The following TBC1D32 variants were observed in gnomAD, a reference collection of about 807,000 sequenced individuals.
TBC1D32 encodes the protein TBC1 domain family member 32, also known as protein broad-minded.
A neutral mutation model predicts 170.3 loss-of-function variants in TBC1D32; 151 were observed. That is an observed-to-expected ratio of 0.89 (90% confidence interval 0.78 to 1.01). The LOEUF is 1.01. Among genes scored for constraint, TBC1D32 ranks in the 50% least tolerant of loss-of-function variants. The pLI is 0.00. For missense variants in TBC1D32, 1,464 were observed against 1,457.1 expected (o/e 1.00, Z -0.08); for synonymous variants, 498 against 488.0 (o/e 1.02, Z -0.27).
At chr6:121,271,289 AG>A (rs1801374996) in intron 15 of TBC1D32, among the ~76,000 whole-genome samples, 1 of 152,172 alleles carries the variant, frequency 6.6e-6, no homozygotes, top group African/African-American at 2.4e-5. Context: ...AAAGAAATAA[AG>A]GGTATTCAAT....
At chr6:121,185,863 T>C (rs1180864155) in intron 22 of TBC1D32, among the ~76,000 whole-genome samples, 1 of 152,056 alleles carries the variant, frequency 6.6e-6, no homozygotes, top group Non-Finnish European at 1.5e-5. Flanking sequence ...CAGAAGCAGA[T>C]GATCATAGAT....
chr6:121,091,792 T>TTA (rs147352645), intron 30 of TBC1D32, among the ~76,000 whole-genome samples: 4,576 of 152,198 alleles, frequency 0.03, 225 homozygotes, highest in African/African-American at 0.1. Flanking sequence ...CCCCAGAACC[T>TTA]CATAATACAA....
In TBC1D32 at chr6:121,135,360, G is replaced by A. The variant is rs560648371; in HGVS notation, c.2774-3608C>T. Reference sequence around the variant, plus strand: ...TAAAAAAAGTTTTCCTTCTGGCCACGATGGAGGAACTAGGAATAGACTTGC... The same window carrying A: ...TAAAAAAAGTTTTCCTTCTGGCCACAATGGAGGAACTAGGAATAGACTTGC... On this transcript the variant is annotated intron_variant, in intron 24 of 31. Transcript: ENST00000398212. Among the ~76,000 whole-genome samples, 146 of 152,198 alleles carry A rather than the reference G, an allele frequency of 9.6e-4. 4 individuals are homozygous for A. In the South Asian group the frequency reaches 0.027, roughly 28 times the overall value.
At chr6:121,245,996 C>T (rs1181015366) in intron 17 of TBC1D32, among the ~76,000 whole-genome samples, 1 of 152,176 alleles carries the variant, frequency 6.6e-6, no homozygotes, top group Non-Finnish European at 1.5e-5. Flanking sequence ...TGGCTGGGAC[C>T]TCTGACCACT....
At chr6:121,203,483 A>G (rs1437726366) in intron 22 of TBC1D32, among the ~76,000 whole-genome samples, 1 of 151,488 alleles carries the variant, frequency 6.6e-6, no homozygotes, top group Non-Finnish European at 1.5e-5. Flanking sequence ...ATTATTTCAT[A>G]GTAAAACACA....
At chr6:121,256,859 A>G (rs1642633475) in intron 15 of TBC1D32, among the ~76,000 whole-genome samples, 1 of 151,964 alleles carries the variant, frequency 6.6e-6, no homozygotes, top group African/African-American at 2.4e-5. Flanking sequence ...TTTAGTAGAG[A>G]TGGGGTTTCA....
chr6:121,184,032 C>T (rs1348833857), intron 22 of TBC1D32, among the ~76,000 whole-genome samples: 1 of 152,008 alleles, frequency 6.6e-6, no homozygotes, highest in Non-Finnish European at 1.5e-5. Flanking sequence ...TTACATGTAA[C>T]AAAAGACATC....
At chr6:121,255,068 G>T (rs1798783260) in intron 17 of TBC1D32, among the ~76,000 whole-genome samples, 1 of 151,842 alleles carries the variant, frequency 6.6e-6, no homozygotes, top group African/African-American at 2.4e-5. Context: ...AAATTTTCTG[G>T]AAACACGATA....
intron 26 of TBC1D32, among the ~76,000 whole-genome samples, chr6:121,125,149 C>A (rs1780690083): frequency 6.6e-6 from 1 of 152,150 alleles, no homozygotes; most frequent in South Asian, 2.1e-4. Context: ...TGCAGTCTAG[C>A]TTTATTTGTG....
chr6:121,184,866 A>T (rs997246023), intron 22 of TBC1D32, among the ~76,000 whole-genome samples: 1 of 152,076 alleles, frequency 6.6e-6, no homozygotes, highest in African/African-American at 2.4e-5. Context: ...CATTCAAGCA[A>T]GCACTAGGGC....
rs1256915114 is a variant in TBC1D32 at position 121,132,808 on chromosome 6, G to A, written c.2774-1056C>T. Among the ~76,000 whole-genome samples, 7 of 151,848 alleles carry A rather than the reference G, an allele frequency of 4.6e-5. No individual in the cohort carries two copies. In the East Asian group the frequency reaches 9.6e-4, roughly 21 times the overall value. On this transcript the variant is annotated intron_variant, in intron 24 of 31. Coordinates refer to ENST00000398212, the MANE Select transcript of TBC1D32 (RefSeq NM_152730.6). The stretch of plus-strand genomic sequence containing the variant: ...GCTTTAAAGGTACTTATACCCATGA[G>A]ATTTTATTTTTAAAAAATCAACGAA...
At chr6:121,283,738 C>T (rs556900213) in intron 13 of TBC1D32, 80 bp downstream of exon 13, 8 of 1,106,858 alleles carry the variant, frequency 7.2e-6, no homozygotes, top group African/African-American at 1.6e-5. Context: ...AGGTCAGGCA[C>T]TCAAAACATC....
chr6:121,318,441 T>G (rs1809230925), intron 2 of TBC1D32, among the ~76,000 whole-genome samples: 1 of 152,068 alleles, frequency 6.6e-6, no homozygotes, highest in East Asian at 1.9e-4. Context: ...GAAAGAACCA[T>G]AAATATAGTC....
intron 10 of TBC1D32, among the ~76,000 whole-genome samples, chr6:121,297,227 T>C (rs2128470427): frequency 6.6e-6 from 1 of 152,206 alleles, no homozygotes; most frequent in South Asian, 2.1e-4. Context: ...ATGATTTTTC[T>C]AACCCCTGTG....
chr6:121,150,925 T>C (rs1396000421), intron 24 of TBC1D32, among the ~76,000 whole-genome samples: 1 of 152,132 alleles, frequency 6.6e-6, no homozygotes, highest in Non-Finnish European at 1.5e-5. Flanking sequence ...TAGTGGTCTA[T>C]CTATTTTGTT....
chr6:121,245,605 G>A (rs1056446816), intron 17 of TBC1D32, among the ~76,000 whole-genome samples: 1 of 152,054 alleles, frequency 6.6e-6, no homozygotes, highest in East Asian at 1.9e-4. Flanking sequence ...GGGATCCTTG[G>A]TCCCCCCGGT....
At chr6:121,309,088 A>G (rs753130503) in intron 4 of TBC1D32, among the ~76,000 whole-genome samples, 56 of 152,284 alleles carry the variant, frequency 3.7e-4, no homozygotes, top group Non-Finnish European at 6.3e-4. Context: ...TAGACAAAGA[A>G]TATACATATA....
Position 121,304,768 on chromosome 6 carries a change from A to C in TBC1D32, c.756T>G (p.Ile252Met), listed in dbSNP as rs752163282. The C allele has an allele frequency of 6.2e-7, 1 of 1,605,172 alleles. No individual in the cohort carries two copies. Among genetic ancestry groups the C allele is most frequent in the South Asian group, 1.1e-5 (1 of 89,158 alleles). ...LLSPLHMTKE[I>M]YTSLAKYLES... Reference sequence around the variant, plus strand: ...TCACAAACATACCTAAGCTTGTATAAATTTCCTTGGTCATATGTAATGGAG... The same window carrying C: ...TCACAAACATACCTAAGCTTGTATACATTTCCTTGGTCATATGTAATGGAG... The change falls in exon 6 of 32, where the codon ATT becomes ATG. Residue 252 changes from isoleucine (I) to methionine (M), a missense_variant. By Grantham distance (10) the Ile-to-Met change is conservative. Coordinates refer to ENST00000398212, the MANE Select transcript of TBC1D32 (RefSeq NM_152730.6).
chr6:121,205,853 T>C (rs1417755717), intron 21 of TBC1D32, among the ~76,000 whole-genome samples: 1 of 152,186 alleles, frequency 6.6e-6, no homozygotes, highest in African/African-American at 2.4e-5. Context: ...CCTGATGATC[T>C]AGGTGCCAGC....
Sources: allele counts gnomAD v4.1 joint callset (sites outside exome capture counted in the v4.1 genomes callset), GRCh38; gene constraint gnomAD v4.1.1; transcripts MANE v1.5; gene names NCBI Gene and HGNC (gene_info 2026-07-23, HGNC 2026-07-21).